CLEC19A: variants seen among roughly 807,000 people sequenced by gnomAD.
The protein encoded by CLEC19A is C-type lectin domain containing 19A, also known as C-type lectin domain family 19 member A.
CLEC19A carries 21 observed loss-of-function variants against 26.1 expected under a neutral mutation model. That is an observed-to-expected ratio of 0.80 (90% CI 0.57 to 1.16). CLEC19A has a LOEUF of 1.16. Ranked by LOEUF, CLEC19A falls within the 50% of genes most tolerant of loss-of-function variation. CLEC19A has a pLI of 0.00. For synonymous variants in CLEC19A, 89 were observed against 88.6 expected, an observed-to-expected ratio of 1.00 and a Z score of -0.03; for missense variants, 224 against 227.6, an observed-to-expected ratio of 0.98 and a Z score of 0.10.
intron 1 of CLEC19A, among the ~76,000 whole-genome samples, chr16:19,290,434 C>T (rs1181748154): frequency 6.6e-6 from 1 of 152,018 alleles, no homozygotes; most frequent in East Asian, 1.9e-4. Flanking sequence ...CTCCAAAGCT[C>T]CATTCTCTCT....
intron 2 of CLEC19A, among the ~76,000 whole-genome samples, chr16:19,299,588 AT>A (rs1397925915): frequency 1.3e-5 from 2 of 152,210 alleles, no homozygotes; most frequent in African/African-American, 4.8e-5. Flanking sequence ...TGGGCATTAT[AT>A]TCCCCCTGCT....
chr16:19,298,041 G>T (rs1019686874), intron 1 of CLEC19A, among the ~76,000 whole-genome samples: 1 of 151,720 alleles, frequency 6.6e-6, no homozygotes, highest in Non-Finnish European at 1.5e-5. Flanking sequence ...ACCTGAGGTC[G>T]AGACTTTGAG....
intron 2 of CLEC19A, among the ~76,000 whole-genome samples, chr16:19,301,743 T>TG (rs199978671): frequency 0.082 from 9,420 of 114,614 alleles, 807 homozygotes; most frequent in East Asian, 0.29. Context: ...TTGGTTTTTT[T>TG]TTTTTTTTTT....
chr16:19,301,746 T>TTTG (rs1555467823), intron 2 of CLEC19A, among the ~76,000 whole-genome samples: 34 of 121,974 alleles, frequency 2.8e-4, no homozygotes, highest in African/African-American at 1.1e-3. Context: ...GTTTTTTTTT[T>TTTG]TTTTTTTTTT....
chr16:19,298,677 G>A lies in CLEC19A; in HGVS notation c.93G>A (p.Leu31=), dbSNP rs1355079419. The A allele has an allele frequency of 1.3e-6, 2 of 1,550,836 alleles. No homozygotes were observed. Among genetic ancestry groups the A allele is most frequent in the African/African-American group, 1.4e-5 (1 of 73,042 alleles). ...CTGTTTCCTTTCTGCCCCCAGCCCT[G>A]CCAGAGCTGCCCCTGCCTTCCCTGT... ...PQTDISISPA[L]PELPLPSLCP... is the part of the protein sequence containing the mutation. Residue 31 remains leucine, a synonymous_variant, in exon 2 of 5, where the codon CTG becomes CTA. Coordinates refer to ENST00000636231, the MANE Select transcript of CLEC19A (RefSeq NM_001256720.2).
At chr16:19,301,957 C>G (rs1375088176) in intron 2 of CLEC19A, among the ~76,000 whole-genome samples, 2 of 151,752 alleles carry the variant, frequency 1.3e-5, no homozygotes, top group Admixed American at 1.3e-4. Flanking sequence ...TTACACAGCA[C>G]TTGGATAACT....
intron 1 of CLEC19A, among the ~76,000 whole-genome samples, chr16:19,294,833 G>C (rs1209027759): frequency 6.6e-6 from 1 of 152,002 alleles, no homozygotes; most frequent in African/African-American, 2.4e-5. Context: ...AACAGGCTAA[G>C]AAATGTGAAT....
At position 19,309,154 on chromosome 16, in the gene CLEC19A, C is replaced by T. The variant is rs1670630145; in HGVS notation, c.*71C>T. On this transcript the variant is annotated 3_prime_UTR_variant, in exon 5 of 5. Coordinates refer to ENST00000636231, the MANE Select transcript of CLEC19A (RefSeq NM_001256720.2). The stretch of plus-strand genomic sequence containing the variant: ...GTAGCTGTAACCAGTGTAGAATTGA[C>T]ATTGAATACATGTAAAACATACATA... The T allele has an allele frequency of 1.8e-6, 2 of 1,098,214 alleles. No individual in the cohort carries two copies. The highest frequency in any genetic ancestry group is 1.6e-5 in the African/African-American group (1 of 63,958). 68.0% of individuals were successfully genotyped at this position (1,098,214 alleles called of 1,614,324 possible).
chr16:19,304,452 C>T (rs1424456201), intron 3 of CLEC19A: 3 of 252,996 alleles, frequency 1.2e-5, no homozygotes, highest in South Asian at 5.3e-5. Context: ...CCTGTAATCC[C>T]AGCACTTTGG....
At chr16:19,303,950 T>C (rs1352576092) in intron 2 of CLEC19A, 112 bp from the exon 3 acceptor site, 2 of 821,758 alleles carry the variant, frequency 2.4e-6, no homozygotes, top group African/African-American at 3.4e-5. Flanking sequence ...TTGGATCATA[T>C]CCTCTATTTA....
intron 4 of CLEC19A, among the ~76,000 whole-genome samples, chr16:19,308,582 A>T (rs1483463943): frequency 6.6e-6 from 1 of 152,238 alleles, no homozygotes; most frequent in Non-Finnish European, 1.5e-5. Flanking sequence ...AGAGAAGTTC[A>T]GCAACTTGTT....
chr16:19,305,388 T>G (rs1897930049), intron 3 of CLEC19A, among the ~76,000 whole-genome samples: 1 of 151,876 alleles, frequency 6.6e-6, no homozygotes, highest in Admixed American at 6.6e-5. Flanking sequence ...CAGAGTGGGG[T>G]AGGGGTGGGT....
intron 4 of CLEC19A, among the ~76,000 whole-genome samples, chr16:19,308,747 C>A (rs1482208368): frequency 1.3e-5 from 2 of 152,092 alleles, no homozygotes; most frequent in Non-Finnish European, 2.9e-5. Context: ...TCCTGGGAGC[C>A]CTCCTGGAGC....
At chr16:19,288,548 C>T (rs1339404831) in intron 1 of CLEC19A, among the ~76,000 whole-genome samples, 2 of 152,056 alleles carry the variant, frequency 1.3e-5, no homozygotes, top group African/African-American at 4.8e-5. Context: ...AACTCAGCCA[C>T]CCCCTATGTT....
At chr16:19,297,402 A>T (rs990594029) in intron 1 of CLEC19A, among the ~76,000 whole-genome samples, 8 of 152,166 alleles carry the variant, frequency 5.3e-5, no homozygotes, top group African/African-American at 1.4e-4. Flanking sequence ...TGAGATGGGC[A>T]CTCTCAGACG....
rs374445251 is a variant in CLEC19A at position 19,304,436 on chromosome 16, C to T, written c.348+281C>T. 365 of 289,588 alleles carry T rather than the reference C, an allele frequency of 1.3e-3. 3 individuals are homozygous for T. The highest frequency in any genetic ancestry group is 7.8e-3 in the African/African-American group (350 of 44,836). 17.9% of individuals were successfully genotyped at this position (289,588 alleles called of 1,614,324 possible). Reference sequence around the variant, plus strand: ...AAAGACACTAGGCCGGGTGTGGAGGCTCATGCCTGTAATCCCAGCACTTTG... The same window carrying T: ...AAAGACACTAGGCCGGGTGTGGAGGTTCATGCCTGTAATCCCAGCACTTTG... On this transcript the variant is annotated intron_variant, in intron 3 of 4. Transcript: ENST00000636231.
At position 19,298,833 on chromosome 16, in the gene CLEC19A, C is replaced by T; in HGVS notation, c.249C>T (p.Ile83=). 3 of 1,550,358 alleles carry T rather than the reference C, an allele frequency of 1.9e-6. No homozygotes were observed. Among genetic ancestry groups the T allele is most frequent in the Non-Finnish European group, 8.7e-7 (1 of 1,146,848 alleles). The change falls in exon 2 of 5, where the codon ATC becomes ATT. Residue 83 remains isoleucine (I), a synonymous_variant. Transcript: ENST00000636231. The part of the protein sequence containing the change: ...VGRKSAKLAS[I]HSWEENVFVY... ...GGAAGTCCGCCAAGCTGGCCTCCAT[C>T]CACAGGTAAGTGGGATCCCCAGTGC...
intron 2 of CLEC19A, 85 bp from the exon 3 acceptor site, chr16:19,303,977 T>C (rs1405099286): frequency 9.5e-6 from 11 of 1,154,136 alleles, no homozygotes; most frequent in East Asian, 2.6e-5. Flanking sequence ...TCCAGGAAGG[T>C]AAATATGGAT....
intron 1 of CLEC19A, 109 bp from the exon 2 acceptor site, chr16:19,298,564 T>C: frequency 1.7e-6 from 2 of 1,191,096 alleles, no homozygotes; most frequent in Non-Finnish European, 2.3e-6. Flanking sequence ...AGACCCTGTC[T>C]CTTAAAAAAA....
Sources: allele counts gnomAD v4.1 joint callset (sites outside exome capture counted in the v4.1 genomes callset), GRCh38; gene constraint gnomAD v4.1.1; transcripts MANE v1.5; gene names NCBI Gene and HGNC (gene_info 2026-07-23, HGNC 2026-07-21).